Variants in C16orf74 observed in about 807,000 individuals in gnomAD.
C16orf74 encodes uncharacterized protein C16orf74.
In C16orf74, 10 loss-of-function variants were observed where a neutral mutation model predicts 6.5. The ratio of observed to expected loss-of-function variants is 1.54; its 90% CI spans 0.95 to 2.61. C16orf74 has a LOEUF of 2.61. Among genes scored for constraint, C16orf74 ranks in the 30% most tolerant of loss-of-function variants. C16orf74 has a pLI of 0.00. For synonymous variants in C16orf74, 60 were observed against 42.5 expected, an observed-to-expected ratio of 1.41 and a Z score of -1.60; for missense variants, 141 against 105.9, an observed-to-expected ratio of 1.33 and a Z score of -1.45.
intron 3 of C16orf74, among the ~76,000 whole-genome samples, chr16:85,708,413 C>T (rs2053934948): frequency 6.6e-6 from 1 of 152,246 alleles, no homozygotes; most frequent in Admixed American, 6.5e-5. Context: ...AGGGAAGAGA[C>T]TTTGACAGCC....
At chr16:85,713,987 T>C (rs1156595378) in intron 2 of C16orf74, among the ~76,000 whole-genome samples, 1 of 152,166 alleles carries the variant, frequency 6.6e-6, no homozygotes, top group African/African-American at 2.4e-5. Context: ...GTGACTTCTG[T>C]GAGTCCTTTC....
chr16:85,746,741 C>A (rs2054377577), intron 1 of C16orf74, among the ~76,000 whole-genome samples: 1 of 152,222 alleles, frequency 6.6e-6, no homozygotes, highest in Non-Finnish European at 1.5e-5. Flanking sequence ...CCCTTCAGCT[C>A]TCTGGGCCTG....
chr16:85,712,930 A>ACCCT (rs2053984819), intron 2 of C16orf74, among the ~76,000 whole-genome samples: 1 of 152,176 alleles, frequency 6.6e-6, no homozygotes, highest in African/African-American at 2.4e-5. Context: ...ATGCCCGGAG[A>ACCCT]GACAGCAGCC....
At chr16:85,719,631 AG>A (rs1404215085) in intron 2 of C16orf74, among the ~76,000 whole-genome samples, 1 of 152,182 alleles carries the variant, frequency 6.6e-6, no homozygotes, top group Non-Finnish European at 1.5e-5. Flanking sequence ...AGCAGGGACT[AG>A]GGGCAGATGA....
At chr16:85,718,127 C>T (rs1179947048) in intron 2 of C16orf74, among the ~76,000 whole-genome samples, 2 of 152,210 alleles carry the variant, frequency 1.3e-5, no homozygotes, top group Non-Finnish European at 2.9e-5. Context: ...CAGGGTCTCT[C>T]TCTGTGGCTC....
chr16:85,724,847 G>C (rs962963006), intron 2 of C16orf74, among the ~76,000 whole-genome samples: 12 of 152,202 alleles, frequency 7.9e-5, no homozygotes, highest in Admixed American at 3.3e-4. Context: ...GGATCAAAAA[G>C]ACAGCGTGGT....
At chr16:85,719,594 A>T (rs1475745237) in intron 2 of C16orf74, among the ~76,000 whole-genome samples, 1 of 152,116 alleles carries the variant, frequency 6.6e-6, no homozygotes, top group Non-Finnish European at 1.5e-5. Context: ...AAGCACAAAG[A>T]TATTTCCAAG....
chr16:85,746,562 C>A (rs895082944), intron 1 of C16orf74, among the ~76,000 whole-genome samples: 2 of 152,152 alleles, frequency 1.3e-5, no homozygotes, highest in East Asian at 3.9e-4. Context: ...CCATGGAGGT[C>A]CTGAGTCACG....
chr16:85,741,688 G>A, intron 1 of C16orf74: 1 of 170,386 alleles, frequency 5.9e-6, no homozygotes, highest in Middle Eastern at 5.5e-4. Context: ...GCACAGGACT[G>A]GCTGAAGGGA....
intron 1 of C16orf74, among the ~76,000 whole-genome samples, chr16:85,739,939 G>C (rs2054284548): frequency 6.6e-6 from 1 of 152,060 alleles, no homozygotes; most frequent in African/African-American, 2.4e-5. Flanking sequence ...GCCGGGCGCA[G>C]TGGCTCATGC....
At chr16:85,730,097 C>T (rs2054172638) in intron 2 of C16orf74, among the ~76,000 whole-genome samples, 1 of 152,106 alleles carries the variant, frequency 6.6e-6, no homozygotes, top group Non-Finnish European at 1.5e-5. Flanking sequence ...CCTCAGAGCC[C>T]CTGGGGGAGC....
At chr16:85,742,621 A>C (rs1204941441) in intron 1 of C16orf74, among the ~76,000 whole-genome samples, 1 of 151,920 alleles carries the variant, frequency 6.6e-6, no homozygotes, top group Admixed American at 6.6e-5. Flanking sequence ...GGCTCACTGC[A>C]ACCTCCGCCT....
At chr16:85,748,405 C>T (rs961392644) in intron 1 of C16orf74, among the ~76,000 whole-genome samples, 2 of 151,956 alleles carry the variant, frequency 1.3e-5, no homozygotes, top group African/African-American at 4.8e-5. Context: ...TGAGGCCAGC[C>T]TGACCAACAG....
chr16:85,727,671 G>A (rs532794070), intron 2 of C16orf74, among the ~76,000 whole-genome samples: 33 of 152,124 alleles, frequency 2.2e-4, no homozygotes, highest in African/African-American at 6.0e-4. Flanking sequence ...AAAATAAGCC[G>A]GGTGTGGTGC....
intron 2 of C16orf74, among the ~76,000 whole-genome samples, chr16:85,732,697 G>T (rs1336743211): frequency 7.5e-6 from 1 of 133,708 alleles, no homozygotes; most frequent in Non-Finnish European, 1.6e-5. Flanking sequence ...AAAGAGTTCT[G>T]GCCCCCTAAT....
chr16:85,709,852 G>T (rs1167805525), intron 3 of C16orf74, among the ~76,000 whole-genome samples: 19 of 152,254 alleles, frequency 1.2e-4, no homozygotes, highest in Admixed American at 1.1e-3. Context: ...GGCAGGGGAA[G>T]GAGCATCCAT....
At chr16:85,728,163 C>T (rs1022409905) in intron 2 of C16orf74, among the ~76,000 whole-genome samples, 1 of 151,916 alleles carries the variant, frequency 6.6e-6, no homozygotes, top group South Asian at 2.1e-4. Flanking sequence ...AATAAATAAG[C>T]ACAGAAATAA....
intron 1 of C16orf74, among the ~76,000 whole-genome samples, chr16:85,741,119 G>C (rs529675088): frequency 2.0e-5 from 3 of 152,340 alleles, no homozygotes; most frequent in East Asian, 3.9e-4. Context: ...AGCTCAGTGA[G>C]AGTCTGCGCA....
At chr16:85,749,422 A>G (rs531411189) in intron 1 of C16orf74, among the ~76,000 whole-genome samples, 10 of 152,118 alleles carry the variant, frequency 6.6e-5, no homozygotes, top group African/African-American at 2.4e-4. Context: ...AGTAGCTGGG[A>G]CTACAGGTAT....
Sources: gnomAD v4.1 joint callset for allele counts (sites outside exome capture counted in the v4.1 genomes callset) on GRCh38, gnomAD v4.1.1 for gene constraint, MANE v1.5 for transcripts, NCBI Gene and HGNC (gene_info 2026-07-23, HGNC 2026-07-21) for gene names.